The following ZDHHC14 variants were observed in gnomAD, a reference collection of about 807,000 sequenced individuals.
ZDHHC14 encodes palmitoyltransferase ZDHHC14.
A neutral mutation model predicts 47.7 loss-of-function variants in ZDHHC14; 16 were observed. The observed-to-expected ratio is 0.34, with a 90% CI of 0.23 to 0.51. ZDHHC14 has a LOEUF of 0.51. ZDHHC14 is among the 20% of genes least tolerant of loss of function. ZDHHC14 has a pLI of 0.97. For synonymous variants in ZDHHC14, 293 were observed against 278.9 expected (o/e 1.05, Z -0.50); for missense variants, 515 against 662.5 (o/e 0.78, Z 2.44).
At chr6:157,484,163 G>A (rs1439906045) in intron 1 of ZDHHC14, among the ~76,000 whole-genome samples, 1 of 151,258 alleles carries the variant, frequency 6.6e-6, no homozygotes. Context: ...GTGCGGGGAG[G>A]GAGAGGATCA....
intron 3 of ZDHHC14, among the ~76,000 whole-genome samples, chr6:157,625,982 T>G (rs867533227): frequency 6.6e-6 from 1 of 152,174 alleles, no homozygotes; most frequent in South Asian, 2.1e-4. Flanking sequence ...CATCATCTGT[T>G]GCTTTCATTT....
chr6:157,456,771 C>T (rs1391041787), intron 1 of ZDHHC14, among the ~76,000 whole-genome samples: 4 of 152,044 alleles, frequency 2.6e-5, no homozygotes, highest in South Asian at 2.1e-4. Context: ...TTCAGTGAAC[C>T]GTTCTGTTTC....
chr6:157,437,068 G>A (rs1307955150), intron 1 of ZDHHC14, among the ~76,000 whole-genome samples: 1 of 152,144 alleles, frequency 6.6e-6, no homozygotes, highest in Non-Finnish European at 1.5e-5. Context: ...ACAACAGCTG[G>A]GCCTGCTTCC....
intron 2 of ZDHHC14, among the ~76,000 whole-genome samples, chr6:157,556,634 G>A (rs960886338): frequency 2.0e-5 from 3 of 151,966 alleles, no homozygotes; most frequent in Non-Finnish European, 4.4e-5. Flanking sequence ...CTAATTGACA[G>A]CACAGTCAGG....
chr6:157,503,549 T>C (rs942499465), intron 1 of ZDHHC14, among the ~76,000 whole-genome samples: 1 of 152,184 alleles, frequency 6.6e-6, no homozygotes, highest in Non-Finnish European at 1.5e-5. Context: ...CAATGCTCAT[T>C]ACACAAAGAC....
chr6:157,634,598 C>T (rs1776872550), intron 5 of ZDHHC14, among the ~76,000 whole-genome samples: 1 of 152,244 alleles, frequency 6.6e-6, no homozygotes, highest in African/African-American at 2.4e-5. Context: ...GTCATGAAAG[C>T]ATGCTGGTCA....
intron 3 of ZDHHC14, among the ~76,000 whole-genome samples, chr6:157,618,689 A>G (rs1199666035): frequency 6.6e-6 from 1 of 151,972 alleles, no homozygotes; most frequent in African/African-American, 2.4e-5. Flanking sequence ...AAGCTCAGAG[A>G]CCTCTCCAGT....
At chr6:157,484,558 AT>A (rs1779732271) in intron 1 of ZDHHC14, among the ~76,000 whole-genome samples, 1 of 150,826 alleles carries the variant, frequency 6.6e-6, no homozygotes, top group South Asian at 2.1e-4. Context: ...AGAAAAAAAA[AT>A]TCTTCATTTT....
chr6:157,484,328 C>CATTATACGTGT (rs1562443883), intron 1 of ZDHHC14, among the ~76,000 whole-genome samples: 2 of 82,662 alleles, frequency 2.4e-5, no homozygotes, highest in African/African-American at 9.2e-5. Flanking sequence ...CATATATATA[C>CATTATACGTGT]GTATATATAC....
intron 3 of ZDHHC14, among the ~76,000 whole-genome samples, chr6:157,622,216 CAAAAAAAAAAAA>C (rs35681787): frequency 3.2e-5 from 3 of 93,894 alleles, no homozygotes; most frequent in Non-Finnish European, 6.7e-5. Flanking sequence ...ACTAAAAATA[CAAAAAAAAAAAA>C]AAAAAAAAAA....
intron 1 of ZDHHC14, among the ~76,000 whole-genome samples, chr6:157,439,843 G>T (rs570634111): frequency 9.2e-5 from 14 of 152,326 alleles, no homozygotes; most frequent in African/African-American, 3.1e-4. Flanking sequence ...AAGCAGACAA[G>T]ATCATGTCCT....
At chr6:157,403,195 T>A (rs1777679745) in intron 1 of ZDHHC14, among the ~76,000 whole-genome samples, 1 of 152,260 alleles carries the variant, frequency 6.6e-6, no homozygotes. Flanking sequence ...ATTGAATTTC[T>A]AACAAGCACT....
chr6:157,442,154 G>T (rs1378466173), intron 1 of ZDHHC14, among the ~76,000 whole-genome samples: 2 of 152,140 alleles, frequency 1.3e-5, no homozygotes, highest in Non-Finnish European at 2.9e-5. Context: ...CATTTTTAGA[G>T]GCTGAGTGGG....
intron 3 of ZDHHC14, among the ~76,000 whole-genome samples, chr6:157,605,581 A>G (rs1414256004): frequency 1.3e-5 from 2 of 152,206 alleles, no homozygotes; most frequent in Non-Finnish European, 2.9e-5. Context: ...ACAGCAAGGT[A>G]AGAACTGGAA....
At chr6:157,571,762 A>T (rs1280652761) in intron 2 of ZDHHC14, among the ~76,000 whole-genome samples, 1 of 150,270 alleles carries the variant, frequency 6.7e-6, no homozygotes, top group Non-Finnish European at 1.5e-5. Flanking sequence ...AATCTTCAGG[A>T]ATGAGGAATC....
Position 157,493,549 on chromosome 6 carries a change from G to A in ZDHHC14, c.246-49036G>A, listed in dbSNP as rs530248794. Among the ~76,000 whole-genome samples the A allele has an allele frequency of 1.6e-4, 25 of 152,312 alleles. No homozygotes were observed. The South Asian group carries it at 5.2e-3, about 32-fold the overall frequency. ...TTCCTGGGAAACCATTCAACAATAG[G>A]GGAGCCCTCCCAACCCACAGGCCCA... On this transcript the variant is annotated intron_variant, in intron 1 of 8. Coordinates refer to ENST00000359775, the MANE Select transcript of ZDHHC14 (RefSeq NM_024630.3).
chr6:157,423,128 T>C (rs143000654), intron 1 of ZDHHC14, among the ~76,000 whole-genome samples: 16 of 152,330 alleles, frequency 1.1e-4, no homozygotes, highest in Non-Finnish European at 2.2e-4. Context: ...TTATTGTTGT[T>C]GATATTCCTT....
Position 157,555,421 on chromosome 6 carries a change from A to T in ZDHHC14, c.406+12676A>T, listed in dbSNP as rs149327239. ...TTGGTGACTACAAAGAGAATTCCCC[A>T]TTTTTTCTCTCAAGGAACACAGACT... On this transcript the variant is annotated intron_variant, in intron 2 of 8. Coordinates refer to ENST00000359775, the MANE Select transcript of ZDHHC14 (RefSeq NM_024630.3). 3.3e-3 allele frequency among the ~76,000 whole-genome samples: 501 copies of T among 152,012 alleles called. 1 individual carries two copies. Among genetic ancestry groups the T allele is most frequent in the African/African-American group, 0.011 (476 of 41,412 alleles).
intron 1 of ZDHHC14, among the ~76,000 whole-genome samples, chr6:157,539,594 G>A (rs907577955): frequency 2.6e-5 from 4 of 152,168 alleles, no homozygotes; most frequent in Admixed American, 1.3e-4. Context: ...TTGCAAGTGG[G>A]CCATGCACCT....
Sources: gnomAD v4.1 joint callset for allele counts (sites outside exome capture counted in the v4.1 genomes callset) on GRCh38, gnomAD v4.1.1 for gene constraint, MANE v1.5 for transcripts, NCBI Gene and HGNC (gene_info 2026-07-23, HGNC 2026-07-21) for gene names.